Variants in WIF1 observed in about 807,000 individuals in gnomAD.
WIF1 encodes Wnt inhibitory factor 1.
A neutral mutation model predicts 53.5 loss-of-function variants in WIF1; 35 were observed. That is an observed-to-expected ratio of 0.65 (90% CI 0.50 to 0.87). WIF1 has a LOEUF of 0.87. Ranked by LOEUF, WIF1 falls within the 40% of genes least tolerant of loss-of-function variation. The pLI is 0.00. For synonymous variants in WIF1, 171 were observed against 170.4 expected (o/e 1.00, Z -0.03); for missense variants, 467 against 476.8 (o/e 0.98, Z 0.19).
intron 7 of WIF1, among the ~76,000 whole-genome samples, chr12:65,058,611 G>A (rs2136609725): frequency 6.6e-6 from 1 of 152,286 alleles, no homozygotes; most frequent in South Asian, 2.1e-4. Context: ...AATTCATGAA[G>A]ATCTGATTGT....
Position 65,057,292 on chromosome 12 carries a change from T to A in WIF1, c.827-1166A>T, listed in dbSNP as rs187439628. 2.0e-4 allele frequency among the ~76,000 whole-genome samples: 30 copies of A among 152,328 alleles called. 1 individual carries two copies. In the East Asian group the frequency reaches 3.9e-3, roughly 20 times the overall value. On this transcript the variant is annotated intron_variant, in intron 7 of 9. Coordinates refer to ENST00000286574, the MANE Select transcript of WIF1 (RefSeq NM_007191.5). Reference sequence around the variant, plus strand: ...ATTTTCCTGGAATGCCCTAGGTCCATAATGATACTTGGTAATTTCTTTTAT... The same window carrying A: ...ATTTTCCTGGAATGCCCTAGGTCCAAAATGATACTTGGTAATTTCTTTTAT...
chr12:65,109,914 A>G (rs1164422274), intron 2 of WIF1, among the ~76,000 whole-genome samples: 2 of 152,196 alleles, frequency 1.3e-5, no homozygotes, highest in African/African-American at 4.8e-5. Context: ...CAGTAATAGG[A>G]TACACAAAGA....
At chr12:65,082,529 C>T (rs577059055) in intron 2 of WIF1, among the ~76,000 whole-genome samples, 2 of 152,232 alleles carry the variant, frequency 1.3e-5, no homozygotes, top group South Asian at 4.1e-4. Flanking sequence ...GTTTGCCATG[C>T]AGTAAATTTT....
Position 65,067,801 on chromosome 12 carries a change from G to C in WIF1, c.539-11C>G, listed in dbSNP as rs1882711054. 1 of 1,612,012 alleles carries C rather than the reference G, an allele frequency of 6.2e-7. No individual in the cohort carries two copies. Among genetic ancestry groups the C allele is most frequent in the Non-Finnish European group, 8.5e-7 (1 of 1,178,788 alleles). On this transcript the variant is annotated splice_polypyrimidine_tract_variant and intron_variant, in intron 4 of 9. Coordinates refer to ENST00000286574, the MANE Select transcript of WIF1 (RefSeq NM_007191.5). ...CGCCTGGGCACTCAGCTTCAGCAGA[G>C]AGAAACAAAGCTTATATGGACACCC...
intron 2 of WIF1, among the ~76,000 whole-genome samples, chr12:65,118,305 T>G (rs1279418161): frequency 6.6e-6 from 1 of 152,236 alleles, no homozygotes; most frequent in Non-Finnish European, 1.5e-5. Flanking sequence ...ATTGAAGTCA[T>G]TTTTCCCATC....
intron 6 of WIF1, among the ~76,000 whole-genome samples, chr12:65,063,206 C>T (rs1284416431): frequency 1.3e-5 from 2 of 152,126 alleles, no homozygotes; most frequent in African/African-American, 4.8e-5. Flanking sequence ...TTGGCTGTAT[C>T]ATAGTGGAAG....
At position 65,112,164 on chromosome 12, in the gene WIF1, A is replaced by G. The variant is rs545107901; in HGVS notation, c.288+8253T>C. The stretch of plus-strand genomic sequence containing the variant: ...CAGTGTTCAGCTTCTCATTTTGTAA[A>G]CTTAAGGATCACTTGCCAACTTTAA... On this transcript the variant is annotated intron_variant, in intron 2 of 9. Transcript: ENST00000286574. Among the ~76,000 whole-genome samples the G allele has an allele frequency of 1.1e-4, 16 of 152,270 alleles. No homozygotes were observed. The South Asian group carries it at 3.3e-3, about 32-fold the overall frequency.
chr12:65,105,621 A>G (rs560079203), intron 2 of WIF1, among the ~76,000 whole-genome samples: 25 of 152,086 alleles, frequency 1.6e-4, no homozygotes, highest in Non-Finnish European at 3.1e-4. Flanking sequence ...GGACTAGTGC[A>G]CCAGGGTGTA....
chr12:65,092,827 G>A (rs973312030), intron 2 of WIF1, among the ~76,000 whole-genome samples: 4 of 151,968 alleles, frequency 2.6e-5, no homozygotes, highest in African/African-American at 7.2e-5. Flanking sequence ...GGAGGAACCC[G>A]AGACAGAGCC....
intron 2 of WIF1, among the ~76,000 whole-genome samples, chr12:65,093,953 C>A (rs965993820): frequency 6.6e-6 from 1 of 152,140 alleles, no homozygotes; most frequent in Admixed American, 6.5e-5. Context: ...AAAGTATAAT[C>A]AATAACTTAC....
At chr12:65,110,672 C>A (rs373997293) in intron 2 of WIF1, among the ~76,000 whole-genome samples, 1 of 70,758 alleles carries the variant, frequency 1.4e-5, no homozygotes, top group Non-Finnish European at 2.8e-5. Flanking sequence ...ATGAGACCTA[C>A]CTCACTTATT....
At chr12:65,055,360 G>A in intron 8 of WIF1, 147 bp from the exon 9 acceptor site, 1 of 811,134 alleles carries the variant, frequency 1.2e-6, no homozygotes, top group Non-Finnish European at 1.9e-6. Context: ...CCAGTCATAA[G>A]TTGGTTTTGG....
At chr12:65,111,882 C>T (rs10506532) in intron 2 of WIF1, among the ~76,000 whole-genome samples, 4,612 of 152,276 alleles carry the variant, frequency 0.03, 153 homozygotes, top group African/African-American at 0.082. Flanking sequence ...CACATAGCTA[C>T]CCTGTGAGAT....
At chr12:65,055,962 T>G in intron 8 of WIF1, 69 bp downstream of exon 8, 1 of 1,393,534 alleles carries the variant, frequency 7.2e-7, no homozygotes, top group Non-Finnish European at 1.0e-6. Flanking sequence ...CACGGAAGTA[T>G]GTAGTGAGAG....
intron 2 of WIF1, among the ~76,000 whole-genome samples, chr12:65,083,022 C>T (rs1167988673): frequency 2.6e-5 from 4 of 152,134 alleles, no homozygotes. Flanking sequence ...TTTATAGATA[C>T]AAAACACACA....
At chr12:65,090,594 G>A (rs1013911641) in intron 2 of WIF1, among the ~76,000 whole-genome samples, 3 of 152,090 alleles carry the variant, frequency 2.0e-5, no homozygotes, top group Non-Finnish European at 4.4e-5. Context: ...GAGAAAGGAT[G>A]GCAGAACTGA....
At chr12:65,118,554 T>C (rs1214647178) in intron 2 of WIF1, among the ~76,000 whole-genome samples, 2 of 152,208 alleles carry the variant, frequency 1.3e-5, no homozygotes, top group Admixed American at 6.5e-5. Context: ...GGTAGCTTAA[T>C]TGAGGTGCTA....
intron 2 of WIF1, among the ~76,000 whole-genome samples, chr12:65,079,962 C>T (rs944313862): frequency 2.0e-5 from 3 of 152,058 alleles, no homozygotes; most frequent in African/African-American, 4.8e-5. Context: ...TATGACCCTA[C>T]AAGCAATATA....
intron 8 of WIF1, among the ~76,000 whole-genome samples, chr12:65,055,679 GCAGGGGAATCGCTTA>G (rs1275117894): frequency 6.6e-6 from 1 of 152,252 alleles, no homozygotes; most frequent in Non-Finnish European, 1.5e-5. Flanking sequence ...GGAGGCCGAG[GCAGGGGAATCGCTTA>G]CACCTGGGGG....
Sources: allele counts gnomAD v4.1 joint callset (sites outside exome capture counted in the v4.1 genomes callset), GRCh38; gene constraint gnomAD v4.1.1; transcripts MANE v1.5; gene names NCBI Gene and HGNC (gene_info 2026-07-23, HGNC 2026-07-21).